Variants in LPL observed in about 807,000 individuals in gnomAD.
LPL encodes phospholipase A1.
LPL carries 43 observed loss-of-function variants against 52.2 expected under a neutral mutation model. The ratio of observed to expected loss-of-function variants is 0.82; its 90% confidence interval spans 0.64 to 1.06. The LOEUF (loss-of-function observed/expected upper bound fraction) is 1.06. Ranked by LOEUF, LPL falls within the 50% of genes least tolerant of loss-of-function variation. The pLI, the probability that LPL is intolerant of heterozygous loss-of-function variation, is 0.00. For synonymous variants in LPL, 244 were observed against 215.6 expected, an observed-to-expected ratio of 1.13 and a Z score of -1.15; for missense variants, 639 against 585.3, an observed-to-expected ratio of 1.09 and a Z score of -0.95.
At chr8:19,959,785 T>C (rs1327249784) in intron 7 of LPL, among the ~76,000 whole-genome samples, 1 of 125,026 alleles carries the variant, frequency 8.0e-6, no homozygotes, top group African/African-American at 3.3e-5. Flanking sequence ...CTCTTTTTTT[T>C]TTTTTTTTTT....
intron 2 of LPL, 93 bp from the exon 3 acceptor site, chr8:19,951,676 T>C: frequency 7.3e-7 from 1 of 1,372,720 alleles, no homozygotes; most frequent in South Asian, 1.2e-5. Flanking sequence ...CAATCAAGTT[T>C]GTTTTTTCCA....
intron 6 of LPL, among the ~76,000 whole-genome samples, chr8:19,958,546 T>G (rs2070007670): frequency 6.6e-6 from 1 of 151,024 alleles, no homozygotes; most frequent in African/African-American, 2.4e-5. Context: ...CACTGATGGC[T>G]CAATGAAATA....
intron 9 of LPL, among the ~76,000 whole-genome samples, chr8:19,963,494 C>A (rs940492037): frequency 3.3e-5 from 5 of 150,622 alleles, no homozygotes; most frequent in African/African-American, 1.2e-4. Context: ...TGTGTAACAT[C>A]TTTAATGTTT....
At chr8:19,945,230 C>T (rs1477944383) in intron 1 of LPL, among the ~76,000 whole-genome samples, 2 of 152,172 alleles carry the variant, frequency 1.3e-5, no homozygotes, top group African/African-American at 4.8e-5. Flanking sequence ...GACTGCCCCA[C>T]AGCCACATGG....
chr8:19,958,192 T>C (rs1261403634), intron 6 of LPL, among the ~76,000 whole-genome samples: 1 of 152,044 alleles, frequency 6.6e-6, no homozygotes, highest in East Asian at 1.9e-4. Context: ...CTAATTTCTG[T>C]ATTTTTCTTA....
intron 1 of LPL, among the ~76,000 whole-genome samples, chr8:19,942,701 A>G (rs1477827986): frequency 6.6e-6 from 1 of 152,194 alleles, no homozygotes. Flanking sequence ...CAACTTACTC[A>G]GAGGCTAAGA....
Position 19,960,984 on chromosome 8 carries a change from A to T in LPL, c.1223A>T (p.Lys408Ile). Residue 408 changes from lysine to isoleucine, a missense_variant, in exon 8 of 10, where the codon AAA becomes ATA. Lys to Ile is a moderately radical substitution (Grantham distance 102). Coordinates refer to ENST00000650287, the MANE Select transcript of LPL (RefSeq NM_000237.3). ...DIGELLMLKL[K>I]WKSDSYFSWS... ...GGAGAACTACTCATGTTGAAGCTCA[A>T]ATGGAAGAGTGATTCATACTTTAGC... 1 of 1,614,114 alleles carries T rather than the reference A, an allele frequency of 6.2e-7. No homozygotes were observed. The highest frequency in any genetic ancestry group is 8.5e-7 in the Non-Finnish European group (1 of 1,179,962).
intron 8 of LPL, among the ~76,000 whole-genome samples, chr8:19,961,342 C>A (rs2070037749): frequency 6.6e-6 from 1 of 151,666 alleles, no homozygotes; most frequent in African/African-American, 2.4e-5. Context: ...TCAGTGAGAG[C>A]TGGGATTAGA....
rs777560616 is a variant in LPL at position 19,966,118 on chromosome 8, G to C, written c.*808G>C. 6.6e-6 allele frequency: 1 copy of C among 150,506 alleles called. No homozygotes were observed. The highest frequency in any genetic ancestry group is 1.5e-5 in the Non-Finnish European group (1 of 67,724). 9.3% of individuals were successfully genotyped at this position (150,506 alleles called of 1,614,324 possible). On this transcript the variant is annotated 3_prime_UTR_variant, in exon 10 of 10. Transcript: ENST00000650287. ...CCTCAGCTGACACATAATTTGAATG[G>C]TGCAGAAAAAAAAAAAGAAACCGTA...
intron 9 of LPL, among the ~76,000 whole-genome samples, chr8:19,962,639 A>C (rs1295558918): frequency 2.6e-5 from 4 of 152,124 alleles, no homozygotes; most frequent in Non-Finnish European, 4.4e-5. Flanking sequence ...GGGAAGTAAA[A>C]AGATCTCACT....
In LPL at chr8:19,956,004, G is replaced by C; in HGVS notation, c.939G>C (p.Leu313=). The change falls in exon 6 of 10, where the codon CTG becomes CTC. Residue 313 remains leucine, a synonymous_variant. Coordinates refer to ENST00000650287, the MANE Select transcript of LPL (RefSeq NM_000237.3). ...GTAGAAAGAACCGCTGCAACAATCT[G>C]GGCTATGAGATCAATAAAGTCAGAG... ...LSCRKNRCNN[L]GYEINKVRAK... 1 of 1,614,146 alleles carries C rather than the reference G, an allele frequency of 6.2e-7. No individual in the cohort carries two copies. Among genetic ancestry groups the C allele is most frequent in the Non-Finnish European group, 8.5e-7 (1 of 1,180,028 alleles).
intron 1 of LPL, chr8:19,946,471 A>C (rs1474858176): frequency 5.1e-6 from 1 of 195,384 alleles, no homozygotes; most frequent in Non-Finnish European, 1.1e-5. Flanking sequence ...GATAAGGCTG[A>C]TTCAAATGCC....
At chr8:19,954,077 T>A (rs1450141840) in intron 4 of LPL, 43 bp from the exon 5 acceptor site, 13 of 1,412,326 alleles carry the variant, frequency 9.2e-6, no homozygotes, top group Non-Finnish European at 1.3e-5. Flanking sequence ...GTCATACGAA[T>A]GGAAATTTAC....
chr8:19,953,467 T>C, intron 4 of LPL, 46 bp downstream of exon 4: 1 of 1,405,546 alleles, frequency 7.1e-7, no homozygotes, highest in Non-Finnish European at 1.0e-6. Flanking sequence ...GTGAAAAGAC[T>C]GTCATTCTGA....
Position 19,951,865 on chromosome 8 carries a change from C to T in LPL, c.346C>T (p.Arg116Trp), listed in dbSNP as rs772230128. The T allele has an allele frequency of 1.1e-5, 17 of 1,613,974 alleles. No homozygotes were observed. The highest frequency in any genetic ancestry group is 2.7e-5 in the African/African-American group (2 of 74,892). Residue 116 changes from arginine to tryptophan, a missense_variant, in exon 3 of 10, where the codon CGG becomes TGG. Transcript: ENST00000650287. Reference protein sequence around the residue: ...SNVIVVDWLSRAQEHYPVSAG... With the variant: ...SNVIVVDWLSWAQEHYPVSAG... ...TGTCATTGTGGTGGACTGGCTGTCA[C>T]GGGCTCAGGAGCATTACCCAGTGTC...
In LPL at chr8:19,965,339, G is replaced by A. The variant is rs7818177; in HGVS notation, c.*29G>A. ...TGGGCGAATCTACAGAACAAAGAAC[G>A]GCATGTGAATTCTGTGAAGAATGAA... On this transcript the variant is annotated 3_prime_UTR_variant, in exon 10 of 10. Coordinates refer to ENST00000650287, the MANE Select transcript of LPL (RefSeq NM_000237.3). 1,162 of 780,456 alleles carry A rather than the reference G, an allele frequency of 1.5e-3. 13 individuals are homozygous for A. In the African/African-American group the frequency reaches 0.016, roughly 11 times the overall value. The allele number at this position is 780,456 out of a possible 1,614,324, so 48.3% of individuals were successfully genotyped here.
chr8:19,957,754 T>A lies in LPL; in HGVS notation c.1019-1506T>A, dbSNP rs118141845. 9.8e-4 allele frequency among the ~76,000 whole-genome samples: 150 copies of A among 152,328 alleles called. No homozygotes were observed. The East Asian group carries it at 0.027, about 28-fold the overall frequency. On this transcript the variant is annotated intron_variant, in intron 6 of 9. Transcript: ENST00000650287. ...CTTTTTAATTATAAAAAGAGATGTA[T>A]CTAAACAAAATAGAGATTGTTATCA...
chr8:19,962,274 G>A (rs2070046891), intron 9 of LPL, 55 bp downstream of exon 9: 6 of 1,355,538 alleles, frequency 4.4e-6, no homozygotes, highest in Non-Finnish European at 5.3e-6. Flanking sequence ...CCCTAAGGGA[G>A]GCAGCTTCAT....
rs1267689641 is a variant in LPL, at chr8:19,962,348, GTCTT to G, written c.1427+134_1427+137del. 5.5e-6 allele frequency: 4 copies of G among 728,996 alleles called. No individual in the cohort carries two copies. The African/African-American group carries it at 6.9e-5, about 13-fold the overall frequency. 45.2% of individuals were successfully genotyped at this position (728,996 alleles called of 1,614,324 possible). Reference sequence around the variant, plus strand: ...CTCATGTGATCAAAGCATTCAATCAGTCTTTCTTAGTCCTTCTGCATATGTATCA... The same window carrying G: ...CTCATGTGATCAAAGCATTCAATCAGTCTTAGTCCTTCTGCATATGTATCA... On this transcript the variant is annotated intron_variant, in intron 9 of 9. Transcript: ENST00000650287.
Sources: allele counts gnomAD v4.1 joint callset (sites outside exome capture counted in the v4.1 genomes callset), GRCh38; gene constraint gnomAD v4.1.1; transcripts MANE v1.5; gene names NCBI Gene and HGNC (gene_info 2026-07-23, HGNC 2026-07-21).